ALK: variants seen among roughly 807,000 people sequenced by gnomAD.
ALK encodes ALK tyrosine kinase receptor.
Under a neutral mutation model 163.1 loss-of-function variants are expected in ALK, and 74 were observed. That is an observed-to-expected ratio of 0.45 (90% CI 0.38 to 0.55). The LOEUF is 0.55. ALK is among the 20% of genes least tolerant of loss of function. ALK has a pLI of 0.00. For missense variants in ALK, 2,063 were observed against 2,105.3 expected, an observed-to-expected ratio of 0.98 and a Z score of 0.39; for synonymous variants, 960 against 843.2, an observed-to-expected ratio of 1.14 and a Z score of -2.40.
intron 23 of ALK, among the ~76,000 whole-genome samples, chr2:29,219,356 A>G (rs745695505): frequency 6.6e-6 from 1 of 152,204 alleles, no homozygotes; most frequent in Non-Finnish European, 1.5e-5. Context: ...GGTATTTTAC[A>G]TGGATCCTGA....
intron 3 of ALK, among the ~76,000 whole-genome samples, chr2:29,640,611 C>T (rs1393686219): frequency 1.3e-5 from 2 of 152,190 alleles, no homozygotes; most frequent in East Asian, 3.9e-4. Context: ...CATTAAACCT[C>T]TTTTCTTATA....
intron 1 of ALK, among the ~76,000 whole-genome samples, chr2:29,840,139 A>T (rs1371517137): frequency 6.6e-6 from 1 of 152,196 alleles, no homozygotes; most frequent in African/African-American, 2.4e-5. Flanking sequence ...ATATCCTAAA[A>T]CAAACAAAAA....
chr2:29,557,531 C>T (rs574683576), intron 3 of ALK, among the ~76,000 whole-genome samples: 2 of 152,170 alleles, frequency 1.3e-5, no homozygotes, highest in South Asian at 4.1e-4. Context: ...TTTATTTTGA[C>T]CTTTTAACTA....
chr2:29,237,299 C>G (rs1021384220), intron 13 of ALK, among the ~76,000 whole-genome samples: 1 of 152,190 alleles, frequency 6.6e-6, no homozygotes, highest in African/African-American at 2.4e-5. Context: ...ATGGTAGATT[C>G]TTCACATTGC....
At chr2:29,624,762 T>C (rs1255985061) in intron 3 of ALK, among the ~76,000 whole-genome samples, 1 of 152,088 alleles carries the variant, frequency 6.6e-6, no homozygotes, top group Non-Finnish European at 1.5e-5. Context: ...AAAGTTAAAG[T>C]GAAAACAAAA....
chr2:29,860,835 C>G (rs1666268968), intron 1 of ALK, among the ~76,000 whole-genome samples: 2 of 152,080 alleles, frequency 1.3e-5, no homozygotes. Flanking sequence ...ATTTAAAACA[C>G]AACATACCAA....
At chr2:29,705,920 C>G (rs549525785) in intron 2 of ALK, among the ~76,000 whole-genome samples, 1 of 152,230 alleles carries the variant, frequency 6.6e-6, no homozygotes, top group Admixed American at 6.5e-5. Flanking sequence ...AGGAAGAAAA[C>G]TTTGTTTCAA....
intron 4 of ALK, among the ~76,000 whole-genome samples, chr2:29,441,076 T>C (rs1481835691): frequency 6.6e-6 from 1 of 152,204 alleles, no homozygotes; most frequent in Non-Finnish European, 1.5e-5. Context: ...GGTCTGGCCA[T>C]CAGGCTCCAG....
rs2148170651 is a variant in ALK at position 29,223,352 on chromosome 2, T to C, written c.3349A>G (p.Thr1117Ala). The part of the protein sequence containing the change: ...DLKEVPRKNI[T>A]LIRGLGHGAF... ...CAGCAGGGCGCTCACCGAATGAGGG[T>C]GATGTTTTTCCGCGGCACCTCCTTC... is the stretch of plus-strand genomic sequence containing the variant. The change falls in exon 20 of 29, where the codon ACC (threonine) becomes GCC (alanine). Residue 1117 changes from threonine to alanine, a missense_variant. Physicochemically the swap from Thr to Ala is moderately conservative, Grantham distance 58 (BLOSUM62 0). Transcript: ENST00000389048. 1 of 1,613,958 alleles carries C rather than the reference T, an allele frequency of 6.2e-7. No homozygotes were observed.
chr2:29,456,263 G>A (rs1010830392), intron 4 of ALK, among the ~76,000 whole-genome samples: 1 of 152,106 alleles, frequency 6.6e-6, no homozygotes, highest in Non-Finnish European at 1.5e-5. Context: ...ATAGATATTT[G>A]TACACCCACG....
chr2:29,223,310 C>A (rs2148170504), intron 20 of ALK, 32 bp downstream of exon 20: 2 of 1,612,718 alleles, frequency 1.2e-6, no homozygotes, highest in South Asian at 2.2e-5. Context: ...CACTGCACCC[C>A]TCTCCTCCCA....
At chr2:29,871,876 G>A (rs1666586359) in intron 1 of ALK, among the ~76,000 whole-genome samples, 1 of 152,118 alleles carries the variant, frequency 6.6e-6, no homozygotes, top group Admixed American at 6.6e-5. Context: ...ACAAATTGAG[G>A]GCAATTATAT....
chr2:29,607,973 A>G (rs1173032813), intron 3 of ALK, among the ~76,000 whole-genome samples: 1 of 152,048 alleles, frequency 6.6e-6, no homozygotes, highest in Non-Finnish European at 1.5e-5. Context: ...TTTTTTACAA[A>G]GGCTTTTATT....
intron 1 of ALK, among the ~76,000 whole-genome samples, chr2:29,727,609 G>T (rs79489052): frequency 5.3e-5 from 8 of 152,172 alleles, no homozygotes; most frequent in Non-Finnish European, 8.8e-5. Flanking sequence ...AAGCCCTCAG[G>T]CTCTTTTGAA....
At chr2:29,365,970 A>C (rs889372269) in intron 5 of ALK, among the ~76,000 whole-genome samples, 1 of 152,168 alleles carries the variant, frequency 6.6e-6, no homozygotes, top group Non-Finnish European at 1.5e-5. Context: ...TTGCAGACCC[A>C]ATCCTTCATT....
chr2:29,769,220 A>T (rs1680949014), intron 1 of ALK, among the ~76,000 whole-genome samples: 1 of 152,192 alleles, frequency 6.6e-6, no homozygotes. Context: ...AGTATTTCCT[A>T]TTAAAGAAGG....
At chr2:29,238,358 G>A (rs1445501025) in intron 13 of ALK, among the ~76,000 whole-genome samples, 1 of 151,984 alleles carries the variant, frequency 6.6e-6, no homozygotes, top group Non-Finnish European at 1.5e-5. Context: ...CACCGCACCT[G>A]GCTAATTTTT....
chr2:29,326,252 G>A (rs1467514014), intron 6 of ALK, among the ~76,000 whole-genome samples: 1 of 152,146 alleles, frequency 6.6e-6, no homozygotes, highest in African/African-American at 2.4e-5. Context: ...TGGAGTGGTG[G>A]GAAATGCCCT....
chr2:29,377,241 C>T (rs1668774480), intron 5 of ALK, among the ~76,000 whole-genome samples: 1 of 152,086 alleles, frequency 6.6e-6, no homozygotes, highest in African/African-American at 2.4e-5. Context: ...ACTTGGGAAG[C>T]CAGGGTGGGC....
Sources: allele counts gnomAD v4.1 joint callset (sites outside exome capture counted in the v4.1 genomes callset), GRCh38; gene constraint gnomAD v4.1.1; transcripts MANE v1.5; gene names NCBI Gene and HGNC (gene_info 2026-07-23, HGNC 2026-07-21).